MPPED1: variants seen among roughly 807,000 people sequenced by gnomAD.
The protein encoded by MPPED1 is metallophosphoesterase domain-containing protein 1.
Under a neutral mutation model 36.2 loss-of-function variants are expected in MPPED1, and 16 were observed. That is an observed-to-expected ratio of 0.44 (90% confidence interval 0.30 to 0.67). The LOEUF (loss-of-function observed/expected upper bound fraction) is 0.67, where lower values mean the gene tolerates loss of function less well. Among genes scored for constraint, MPPED1 ranks in the 30% least tolerant of loss-of-function variants. The pLI, the probability that MPPED1 is intolerant of heterozygous loss-of-function variation, is 0.10. For synonymous variants in MPPED1, 199 were observed against 191.3 expected, an observed-to-expected ratio of 1.04 and a Z score of -0.33; for missense variants, 307 against 453.4, an observed-to-expected ratio of 0.68 and a Z score of 2.93.
intron 3 of MPPED1, among the ~76,000 whole-genome samples, chr22:43,441,083 C>G (rs1056970234): frequency 1.3e-5 from 2 of 152,182 alleles, no homozygotes; most frequent in Non-Finnish European, 2.9e-5. Context: ...CTCTCTCATC[C>G]AGCCACTGCA....
chr22:43,418,348 G>T, intron 1 of MPPED1: 1 of 350,938 alleles, frequency 2.8e-6, no homozygotes, highest in Non-Finnish European at 5.7e-6. Context: ...TCTTTGGTCT[G>T]CAGGGCAGCA....
At chr22:43,497,901 G>T in intron 4 of MPPED1, among the ~76,000 whole-genome samples, 1 of 107,234 alleles carries the variant, frequency 9.3e-6, no homozygotes, top group East Asian at 2.9e-4. Context: ...GAGCAGGAAA[G>T]GTCTTAGGAA....
intron 2 of MPPED1, among the ~76,000 whole-genome samples, chr22:43,426,839 G>T (rs1929493661): frequency 6.6e-6 from 1 of 152,242 alleles, no homozygotes; most frequent in African/African-American, 2.4e-5. Context: ...TTCTATCTGG[G>T]CTGCTGCCTC....
intron 3 of MPPED1, among the ~76,000 whole-genome samples, chr22:43,461,027 C>T (rs536483817): frequency 2.0e-5 from 3 of 152,224 alleles, no homozygotes; most frequent in African/African-American, 7.2e-5. Flanking sequence ...TACTTTGGGG[C>T]TAGGGCTTTC....
At chr22:43,465,686 G>T (rs1007724230) in intron 3 of MPPED1, among the ~76,000 whole-genome samples, 7 of 152,234 alleles carry the variant, frequency 4.6e-5, no homozygotes, top group African/African-American at 1.4e-4. Flanking sequence ...CTCTTGGAAG[G>T]TGTCTTGGAG....
At chr22:43,480,596 T>C (rs1931718201) in intron 4 of MPPED1, among the ~76,000 whole-genome samples, 1 of 152,228 alleles carries the variant, frequency 6.6e-6, no homozygotes, top group Non-Finnish European at 1.5e-5. Flanking sequence ...TCATGTATTC[T>C]GATTATGAGT....
At chr22:43,414,621 A>C (rs1036669531) in intron 1 of MPPED1, among the ~76,000 whole-genome samples, 1 of 152,186 alleles carries the variant, frequency 6.6e-6, no homozygotes, top group African/African-American at 2.4e-5. Flanking sequence ...AGGTTAGTTA[A>C]TGCCTTTCAA....
intron 5 of MPPED1, among the ~76,000 whole-genome samples, chr22:43,500,806 G>A (rs1482022630): frequency 6.6e-6 from 1 of 152,070 alleles, no homozygotes; most frequent in East Asian, 1.9e-4. Context: ...GACACATTCG[G>A]GGGTGAGGGA....
intron 3 of MPPED1, 50 bp downstream of exon 3, chr22:43,435,265 C>G (rs1467261631): frequency 5.2e-6 from 8 of 1,533,106 alleles, no homozygotes; most frequent in African/African-American, 1.4e-5. Context: ...AGGAAGGGGG[C>G]TCCCGCCAGC....
intron 2 of MPPED1, among the ~76,000 whole-genome samples, chr22:43,432,220 G>GAGAGAGAAAA (rs71186588): frequency 6.6e-6 from 1 of 150,896 alleles, no homozygotes; most frequent in Admixed American, 6.6e-5. Context: ...GAGAGAGAGA[G>GAGAGAGAAAA]ACACAGAGAG....
intron 4 of MPPED1, among the ~76,000 whole-genome samples, chr22:43,483,661 GTGT>G (rs1332757431): frequency 1.3e-5 from 2 of 152,218 alleles, no homozygotes; most frequent in African/African-American, 4.8e-5. Context: ...GGTGTTAGGG[GTGT>G]TGTCATTTTA....
intron 1 of MPPED1, chr22:43,416,883 C>T (rs1013558566): frequency 1.6e-5 from 9 of 573,600 alleles, no homozygotes; most frequent in African/African-American, 4.1e-5. Context: ...CTTTGCGTCT[C>T]GGGGCTCGTT....
chr22:43,448,666 G>A (rs1003869658), intron 3 of MPPED1, among the ~76,000 whole-genome samples: 3 of 152,008 alleles, frequency 2.0e-5, no homozygotes, highest in Non-Finnish European at 4.4e-5. Context: ...GCAGTGGCAT[G>A]ATCTTAGCTC....
In MPPED1 at chr22:43,502,613, T is replaced by C; in HGVS notation, c.749-31T>C. The C allele has an allele frequency of 1.9e-6, 3 of 1,580,224 alleles. No homozygotes were observed. The highest frequency in any genetic ancestry group is 2.6e-6 in the Non-Finnish European group (3 of 1,150,288). ...CAGTGAGGGGCTGGGACAGACCGCG[T>C]CATGGCCTCCTGTTGTCTCCCCCAT... On this transcript the variant is annotated intron_variant, in intron 5 of 6. Coordinates refer to ENST00000443721, the MANE Select transcript of MPPED1 (RefSeq NM_001044370.2). The surrounding 1 kb of genome is among the most constrained non-coding windows in gnomAD (Gnocchi z 5.5).
intron 3 of MPPED1, among the ~76,000 whole-genome samples, chr22:43,463,764 G>A (rs974723663): frequency 2.7e-5 from 4 of 148,196 alleles, no homozygotes; most frequent in Admixed American, 2.0e-4. Flanking sequence ...GTTTGATTTG[G>A]CCTCTGACTC....
At position 43,435,308 on chromosome 22, in the gene MPPED1, C is replaced by T. The variant is rs80099156; in HGVS notation, c.406+93C>T. The T allele has an allele frequency of 5.7e-3, 7,979 of 1,391,954 alleles. 341 individuals are homozygous for T. The African/African-American group carries it at 0.099, about 17-fold the overall frequency. 86.2% of individuals were successfully genotyped at this position (1,391,954 alleles called of 1,614,324 possible). ...GCTGCCTGCCTGCCTTTCCCTCCTG[C>T]GCTGCCCGGGCCCCCTCCTTGGCCT... On this transcript the variant is annotated intron_variant, in intron 3 of 6. Transcript: ENST00000443721.
intron 3 of MPPED1, among the ~76,000 whole-genome samples, chr22:43,447,091 C>T (rs1025962512): frequency 6.6e-6 from 1 of 152,136 alleles, no homozygotes; most frequent in South Asian, 2.1e-4. Flanking sequence ...GGTGGTTCTG[C>T]GGATGAGAGA....
At chr22:43,424,440 G>T (rs1929385236) in intron 1 of MPPED1, among the ~76,000 whole-genome samples, 1 of 152,184 alleles carries the variant, frequency 6.6e-6, no homozygotes, top group African/African-American at 2.4e-5. Context: ...GTGGGGCCAT[G>T]TGGGTGTGTT....
intron 4 of MPPED1, among the ~76,000 whole-genome samples, chr22:43,475,988 ATGG>A (rs1841105110): frequency 6.9e-6 from 1 of 144,866 alleles, no homozygotes; most frequent in Non-Finnish European, 1.5e-5. Flanking sequence ...GGTGGTAGTG[ATGG>A]TGGTGATGAT....
Sources: gnomAD v4.1 joint callset for allele counts (sites outside exome capture counted in the v4.1 genomes callset) on GRCh38, gnomAD v4.1.1 for gene constraint, Gnocchi (gnomAD v3.1) non-coding constraint, MANE v1.5 for transcripts, NCBI Gene and HGNC (gene_info 2026-07-23, HGNC 2026-07-21) for gene names.